Variants in CTNNA2 observed in about 807,000 individuals in gnomAD.
The protein encoded by CTNNA2 is catenin alpha-2.
A neutral mutation model predicts 101.0 loss-of-function variants in CTNNA2; 42 were observed. That is an observed-to-expected ratio of 0.42 (90% CI 0.32 to 0.54). The LOEUF is 0.54. CTNNA2 is among the 20% of genes least tolerant of loss of function. CTNNA2 has a pLI of 0.14. For synonymous variants in CTNNA2, 450 were observed against 456.4 expected, an observed-to-expected ratio of 0.99 and a Z score of 0.18; for missense variants, 871 against 1,223.1, an observed-to-expected ratio of 0.71 and a Z score of 4.29.
chr2:79,669,299 C>T (rs1255706741), intron 2 of CTNNA2, among the ~76,000 whole-genome samples: 1 of 152,092 alleles, frequency 6.6e-6, no homozygotes, highest in East Asian at 1.9e-4. Context: ...AGTTTCTTCC[C>T]ACTGCTACTT....
At chr2:79,552,954 A>G in intron 1 of CTNNA2, among the ~76,000 whole-genome samples, 1 of 152,212 alleles carries the variant, frequency 6.6e-6, no homozygotes, top group East Asian at 1.9e-4. Context: ...TTGGCTATCA[A>G]CATTTGGCTC....
chr2:80,582,481 C>T (rs1695623010), intron 14 of CTNNA2, among the ~76,000 whole-genome samples: 1 of 152,078 alleles, frequency 6.6e-6, no homozygotes. Context: ...ACCAGCTCTG[C>T]CTGACATTTG....
intron 2 of CTNNA2, among the ~76,000 whole-genome samples, chr2:79,292,153 A>T (rs1675838382): frequency 6.6e-6 from 1 of 152,190 alleles, no homozygotes; most frequent in Non-Finnish European, 1.5e-5. Context: ...CCCTTTAAAA[A>T]ATTGATGGTT....
Position 79,464,418 on chromosome 2 carries a change from A to C in CTNNA2, c.-134-40636A>C, listed in dbSNP as rs186949133. Among the ~76,000 whole-genome samples, 395 of 152,314 alleles carry C rather than the reference A, an allele frequency of 2.6e-3. 3 individuals carry two copies. Among genetic ancestry groups the C allele is most frequent in the African/African-American group, 9.0e-3 (374 of 41,566 alleles). ...TTTGGGTTGGTTCCAAGTCTTTGCTATTGTGAATAGTGCCACACTAAACAT... is the reference window on the plus strand; with the variant it reads ...TTTGGGTTGGTTCCAAGTCTTTGCTCTTGTGAATAGTGCCACACTAAACAT... On this transcript the variant is annotated intron_variant, in intron 4 of 21. Coordinates refer to the CTNNA2 transcript ENST00000466387.
chr2:79,322,266 A>T (rs1008408616), intron 3 of CTNNA2, among the ~76,000 whole-genome samples: 3 of 152,206 alleles, frequency 2.0e-5, no homozygotes, highest in Non-Finnish European at 4.4e-5. Flanking sequence ...ATAGTCTCTT[A>T]GGTGATATAG....
intron 12 of CTNNA2, among the ~76,000 whole-genome samples, chr2:80,569,356 T>C (rs1201589438): frequency 1.3e-5 from 2 of 152,208 alleles, no homozygotes; most frequent in Non-Finnish European, 2.9e-5. Flanking sequence ...AAAGTTTATC[T>C]CTGAATTTGA....
intron 14 of CTNNA2, among the ~76,000 whole-genome samples, chr2:80,585,059 TTTAA>T (rs72393180): frequency 0.068 from 10,415 of 152,232 alleles, 607 homozygotes; most frequent in African/African-American, 0.16. Flanking sequence ...TTTTAGTCCC[TTTAA>T]TTGTTATTTA....
chr2:80,640,026 C>T (rs1361808469), intron 18 of CTNNA2, among the ~76,000 whole-genome samples: 9 of 151,830 alleles, frequency 5.9e-5, no homozygotes, highest in Non-Finnish European at 8.8e-5. Flanking sequence ...CGCTTGAACC[C>T]GGTAGGCGGA....
chr2:80,104,609 G>T (rs1191072718), intron 7 of CTNNA2, among the ~76,000 whole-genome samples: 1 of 152,210 alleles, frequency 6.6e-6, no homozygotes, highest in Non-Finnish European at 1.5e-5. Flanking sequence ...GGAAAGATGC[G>T]AAATGAATTA....
chr2:79,446,729 T>C (rs1002177333), intron 4 of CTNNA2, among the ~76,000 whole-genome samples: 4 of 152,054 alleles, frequency 2.6e-5, no homozygotes, highest in African/African-American at 9.7e-5. Flanking sequence ...GAAAGGACAG[T>C]GTCACCTGGA....
chr2:79,709,408 G>A (rs1685599243), intron 2 of CTNNA2, among the ~76,000 whole-genome samples: 1 of 152,032 alleles, frequency 6.6e-6, no homozygotes, highest in Admixed American at 6.6e-5. Context: ...AGGGACTCAG[G>A]TCAATGGGAA....
chr2:79,260,689 G>A (rs547325110), intron 2 of CTNNA2, among the ~76,000 whole-genome samples: 1 of 152,048 alleles, frequency 6.6e-6, no homozygotes, highest in Non-Finnish European at 1.5e-5. Flanking sequence ...GGTGCCCCGG[G>A]TGGTTAGAGT....
intron 6 of CTNNA2, among the ~76,000 whole-genome samples, chr2:79,874,750 G>T (rs999338125): frequency 6.6e-6 from 1 of 152,166 alleles, no homozygotes; most frequent in East Asian, 1.9e-4. Context: ...GGAGATTGCG[G>T]TGAGCCGAGA....
chr2:79,710,219 T>C (rs1245103427), intron 2 of CTNNA2, among the ~76,000 whole-genome samples: 8 of 152,096 alleles, frequency 5.3e-5, no homozygotes, highest in Admixed American at 5.2e-4. Context: ...AAAAAATGGA[T>C]GAGACTTCAC....
At chr2:80,310,051 C>A (rs1677402043) in intron 7 of CTNNA2, among the ~76,000 whole-genome samples, 1 of 152,002 alleles carries the variant, frequency 6.6e-6, no homozygotes, top group Non-Finnish European at 1.5e-5. Flanking sequence ...TAACCATTAG[C>A]CCCAGGTAAT....
intron 7 of CTNNA2, among the ~76,000 whole-genome samples, chr2:80,100,772 A>T (rs1305623038): frequency 2.6e-5 from 4 of 152,200 alleles, no homozygotes; most frequent in Non-Finnish European, 4.4e-5. Flanking sequence ...CAAGTGGTTA[A>T]TCAAAGTTCA....
At chr2:80,243,877 G>A (rs1203155340) in intron 7 of CTNNA2, among the ~76,000 whole-genome samples, 1 of 152,184 alleles carries the variant, frequency 6.6e-6, no homozygotes, top group African/African-American at 2.4e-5. Context: ...CAAAGAGGCT[G>A]TACCATTTTA....
intron 7 of CTNNA2, among the ~76,000 whole-genome samples, chr2:80,152,601 C>T (rs983711537): frequency 9.2e-5 from 14 of 151,932 alleles, no homozygotes; most frequent in African/African-American, 3.4e-4. Flanking sequence ...TCTCCAGCAA[C>T]TCCACCCAGT....
chr2:80,385,231 T>C lies in CTNNA2; in HGVS notation c.1057-7980T>C, dbSNP rs78510654. 6.9e-3 allele frequency among the ~76,000 whole-genome samples: 1,050 copies of C among 152,268 alleles called. 5 individuals carry two copies. The highest frequency in any genetic ancestry group is 0.017 in the Admixed American group (255 of 15,288). On this transcript the variant is annotated intron_variant, in intron 7 of 18. Transcript: ENST00000402739. ...GGTGGAGGCCTTTGATAAGTGATTATGTCATGAAAGTGGAGGTCTCCTGAA... is the reference window on the plus strand; with the variant it reads ...GGTGGAGGCCTTTGATAAGTGATTACGTCATGAAAGTGGAGGTCTCCTGAA...
Sources: allele counts gnomAD v4.1 joint callset (sites outside exome capture counted in the v4.1 genomes callset), GRCh38; gene constraint gnomAD v4.1.1; transcripts MANE v1.5; gene names NCBI Gene and HGNC (gene_info 2026-07-23, HGNC 2026-07-21).